Variants in CDKN2B-AS1 observed in about 807,000 individuals in gnomAD.
The protein encoded by CDKN2B-AS1 is CDKN2B antisense RNA 1 (non-protein coding).
At chr9:22,110,671 T>C (rs1210465263) in intron 4 of CDKN2B-AS1, among the ~76,000 whole-genome samples, 1 of 152,162 alleles carries the variant, frequency 6.6e-6, no homozygotes, top group African/African-American at 2.4e-5. Flanking sequence ...AAACCATGTA[T>C]CTAGAGTTTA....
intron 4 of CDKN2B-AS1, among the ~76,000 whole-genome samples, chr9:22,125,000 TTC>T (rs758028771): frequency 5.3e-5 from 8 of 152,236 alleles, no homozygotes; most frequent in Non-Finnish European, 7.3e-5. Flanking sequence ...CAGACCTAGT[TTC>T]TCTCTCAGTC....
rs1194735482 is a variant in CDKN2B-AS1 at position 22,005,860 on chromosome 9, C to G, written n.29+10699C>G. ...GTCGGCTCCTCCTTCCTGTGAGTCTCAGACAGGCTTGCAGGCTTACAGGCT... is the reference window on the plus strand; with the variant it reads ...GTCGGCTCCTCCTTCCTGTGAGTCTGAGACAGGCTTGCAGGCTTACAGGCT... On this transcript the variant is annotated intron_variant and non_coding_transcript_variant, in intron 1 of 4. Transcript: ENST00000650946. The surrounding 1 kb of genome is among the most constrained non-coding windows in gnomAD (Gnocchi z 4.9). The G allele has an allele frequency of 2.3e-6, 3 of 1,317,710 alleles. No individual in the cohort carries two copies. The African/African-American group carries it at 4.3e-5, about 19-fold the overall frequency. 81.6% of individuals were successfully genotyped at this position (1,317,710 alleles called of 1,614,324 possible).
chr9:22,071,257 C>G (rs538948112), intron 4 of CDKN2B-AS1, among the ~76,000 whole-genome samples: 6 of 137,640 alleles, frequency 4.4e-5, no homozygotes, highest in African/African-American at 1.7e-4. Flanking sequence ...GATCTAATGA[C>G]TCAGAGGCCA....
intron 4 of CDKN2B-AS1, among the ~76,000 whole-genome samples, chr9:22,124,887 G>A (rs1817993351): frequency 6.6e-6 from 1 of 152,186 alleles, no homozygotes; most frequent in Non-Finnish European, 1.5e-5. Context: ...ACACCACAAT[G>A]TCTACACGCA....
intron 3 of CDKN2B-AS1, among the ~76,000 whole-genome samples, chr9:22,049,994 C>T (rs1047983444): frequency 2.0e-5 from 3 of 152,054 alleles, no homozygotes; most frequent in Admixed American, 1.3e-4. Flanking sequence ...TTAGACATTG[C>T]CTTTTTGTCC....
intron 4 of CDKN2B-AS1, among the ~76,000 whole-genome samples, chr9:22,070,934 C>T (rs1824261110): frequency 6.6e-6 from 1 of 152,052 alleles, no homozygotes. Context: ...CCTAGAGTAG[C>T]TGTCAGTTAT....
At chr9:22,120,491 T>TC (rs397732547) in intron 4 of CDKN2B-AS1, 2 of 151,886 alleles carry the variant, frequency 1.3e-5, no homozygotes, top group Middle Eastern at 3.2e-3. Flanking sequence ...ACCTTTTTTT[T>TC]CTCCTTTTAC....
intron 1 of CDKN2B-AS1, among the ~76,000 whole-genome samples, chr9:22,019,763 A>AATTAGCAGACATTTGAATATAGAAGAAAG (rs1821939782): frequency 1.3e-5 from 2 of 152,200 alleles, no homozygotes; most frequent in South Asian, 2.1e-4. Flanking sequence ...GAGTATAGAA[A>AATTAGCAGACATTTGAATATAGAAGAAAG]ATTAGCAGAC....
intron 1 of CDKN2B-AS1, among the ~76,000 whole-genome samples, chr9:22,040,746 C>T (rs1822864229): frequency 6.6e-6 from 1 of 152,060 alleles, no homozygotes; most frequent in African/African-American, 2.4e-5. Context: ...GATAGCCACA[C>T]TCACATGAAT....
intron 4 of CDKN2B-AS1, among the ~76,000 whole-genome samples, chr9:22,090,229 G>T (rs1312374241): frequency 2.0e-5 from 3 of 151,966 alleles, no homozygotes; most frequent in African/African-American, 7.3e-5. Context: ...CTCTATCATT[G>T]TTGGACATTT....
intron 4 of CDKN2B-AS1, among the ~76,000 whole-genome samples, chr9:22,070,804 G>T (rs113217394): frequency 2.6e-5 from 4 of 152,258 alleles, no homozygotes; most frequent in African/African-American, 9.6e-5. Flanking sequence ...AATTAAGATA[G>T]ACATTAACAG....
At chr9:22,056,239 T>TA (rs1563951354) in intron 3 of CDKN2B-AS1, 3 of 143,604 alleles carry the variant, frequency 2.1e-5, no homozygotes, top group African/African-American at 7.6e-5. Flanking sequence ...TATATATTTT[T>TA]TTTTTTTTCC....
Position 22,066,788 on chromosome 9 carries a change from C to G in CDKN2B-AS1, n.438+10401C>G, listed in dbSNP as rs1006287055. Among the ~76,000 whole-genome samples, 3 of 152,048 alleles carry G rather than the reference C, an allele frequency of 2.0e-5. No homozygotes were observed. In the East Asian group the frequency reaches 5.9e-4, roughly 30 times the overall value. ...GCGTTACTAAGGCAGAAAATGTATT[C>G]ACAATAGCAAAGACTTGGAACCAAC... On this transcript the variant is annotated intron_variant and non_coding_transcript_variant, in intron 4 of 4. Coordinates refer to ENST00000650946, the Ensembl canonical transcript of CDKN2B-AS1.
intron 1 of CDKN2B-AS1, among the ~76,000 whole-genome samples, chr9:22,026,626 G>T (rs1396333966): frequency 6.6e-6 from 1 of 152,206 alleles, no homozygotes; most frequent in African/African-American, 2.4e-5. Flanking sequence ...GACCTTCTCT[G>T]CTGATCTCGC....
At chr9:22,103,955 T>G (rs1425948560) in intron 4 of CDKN2B-AS1, among the ~76,000 whole-genome samples, 1 of 152,194 alleles carries the variant, frequency 6.6e-6, no homozygotes, top group Non-Finnish European at 1.5e-5. Context: ...TATCAGAATT[T>G]TATCTATAAA....
At chr9:22,101,689 CACACACACACACAT>C (rs1424939704) in intron 4 of CDKN2B-AS1, among the ~76,000 whole-genome samples, 1 of 129,070 alleles carries the variant, frequency 7.7e-6, no homozygotes, top group East Asian at 2.4e-4. Context: ...CACACACACA[CACACACACACACAT>C]GGCTTCTAGA....
At chr9:22,114,611 C>G (rs1587548733) in intron 4 of CDKN2B-AS1, among the ~76,000 whole-genome samples, 1 of 152,212 alleles carries the variant, frequency 6.6e-6, no homozygotes, top group South Asian at 2.1e-4. Context: ...CAGAAGAGTA[C>G]TGCATCTTTC....
At chr9:22,076,289 G>A (rs1300891862) in intron 4 of CDKN2B-AS1, among the ~76,000 whole-genome samples, 2 of 151,978 alleles carry the variant, frequency 1.3e-5, no homozygotes, top group Non-Finnish European at 2.9e-5. Context: ...CCTGACCTCA[G>A]GTGATCCACC....
chr9:22,125,304 T>A (rs1817998760), intron 4 of CDKN2B-AS1, among the ~76,000 whole-genome samples: 2 of 152,236 alleles, frequency 1.3e-5, no homozygotes, highest in Admixed American at 1.3e-4. Context: ...ATATTGGTAA[T>A]ATCCAATAAA....
Sources: allele counts gnomAD v4.1 joint callset (sites outside exome capture counted in the v4.1 genomes callset), GRCh38; gene constraint gnomAD v4.1.1; non-coding constraint Gnocchi (gnomAD v3.1); transcripts MANE v1.5; gene names NCBI Gene and HGNC (gene_info 2026-07-23, HGNC 2026-07-21).